FRMPD4: variants seen among roughly 807,000 people sequenced by gnomAD.
FRMPD4 encodes the protein FERM and PDZ domain-containing protein 4.
In FRMPD4, 22 loss-of-function variants were observed where a neutral mutation model predicts 94.1. The ratio of observed to expected loss-of-function variants is 0.23; its 90% confidence interval spans 0.17 to 0.33. The LOEUF is 0.33. FRMPD4 is among the 10% of genes least tolerant of loss of function. FRMPD4 has a pLI of 1.00. For synonymous variants in FRMPD4, 631 were observed against 548.6 expected (o/e 1.15, Z -2.10); for missense variants, 1,111 against 1,339.9 (o/e 0.83, Z 2.67).
chrX:11,860,410 G>T (rs895748934), intron 1 of FRMPD4, among the ~76,000 whole-genome samples: 1 of 111,840 alleles, frequency 8.9e-6, no homozygotes, highest in Admixed American at 9.5e-5. Context: ...TGACTCAGGT[G>T]GTGTTTGCAA....
chrX:12,443,359 C>G (rs1331266462), intron 1 of FRMPD4, among the ~76,000 whole-genome samples: 2 of 112,125 alleles, frequency 1.8e-5, no homozygotes, highest in Non-Finnish European at 1.9e-5. Context: ...TAATAATGCA[C>G]TTCATTTTTA....
intron 3 of FRMPD4, among the ~76,000 whole-genome samples, chrX:11,974,016 C>T (rs1365573190): frequency 9.0e-6 from 1 of 111,549 alleles, no homozygotes; most frequent in African/African-American, 3.3e-5. Context: ...CTTGACCTAG[C>T]GATCTGGAGT....
intron 1 of FRMPD4, among the ~76,000 whole-genome samples, chrX:12,191,492 C>A (rs962845079): frequency 8.9e-6 from 1 of 111,969 alleles, no homozygotes; most frequent in Non-Finnish European, 1.9e-5. Context: ...TTGGAAGCAA[C>A]CAAGTTGTTC....
chrX:12,132,223 G>A, intron 3 of FRMPD4, among the ~76,000 whole-genome samples: 1 of 99,543 alleles, frequency 1.0e-5, no homozygotes, highest in Middle Eastern at 5.0e-3. Context: ...ATCGGTTTCA[G>A]GTGAGGTTTA....
chrX:12,708,051 C>T (rs1039085430), intron 13 of FRMPD4, among the ~76,000 whole-genome samples: 6 of 111,841 alleles, frequency 5.4e-5, no homozygotes, highest in Admixed American at 2.8e-4. Context: ...CCTTTGCTTA[C>T]GTTAGGTCCA....
At chrX:12,260,938 C>T (rs1272621439) in intron 1 of FRMPD4, among the ~76,000 whole-genome samples, 1 of 111,459 alleles carries the variant, frequency 9.0e-6, no homozygotes, top group African/African-American at 3.3e-5. Flanking sequence ...TTAAGATGCC[C>T]AAACAGCCCT....
chrX:12,015,402 C>T (rs181322931), intron 3 of FRMPD4, among the ~76,000 whole-genome samples: 1 of 111,529 alleles, frequency 9.0e-6, no homozygotes, highest in East Asian at 2.8e-4. Flanking sequence ...TTCATCTTCC[C>T]CTCATTAGAT....
intron 1 of FRMPD4, among the ~76,000 whole-genome samples, chrX:12,268,308 T>C (rs951198077): frequency 1.8e-5 from 2 of 112,238 alleles, no homozygotes; most frequent in Non-Finnish European, 3.8e-5. Flanking sequence ...GAGGAGAACA[T>C]AGATACTCAT....
chrX:11,967,966 TTTTCA>T (rs773230167), intron 3 of FRMPD4, among the ~76,000 whole-genome samples: 4 of 110,238 alleles, frequency 3.6e-5, no homozygotes, highest in Non-Finnish European at 7.6e-5. Flanking sequence ...CCACCGGTTC[TTTTCA>T]TTTCATCTTC....
intron 1 of FRMPD4, among the ~76,000 whole-genome samples, chrX:12,258,004 T>G (rs770644796): frequency 3.1e-4 from 34 of 110,476 alleles, no homozygotes; most frequent in African/African-American, 1.1e-3. Flanking sequence ...AGATTCCCTC[T>G]CATCCTGAAG....
intron 3 of FRMPD4, among the ~76,000 whole-genome samples, chrX:12,093,486 C>G (rs180738622): frequency 9.1e-6 from 1 of 109,307 alleles, no homozygotes; most frequent in East Asian, 2.9e-4. Context: ...ATCCTGTTCT[C>G]TCATTTTACT....
intron 3 of FRMPD4, among the ~76,000 whole-genome samples, chrX:12,022,113 T>A (rs2054635060): frequency 8.9e-6 from 1 of 112,660 alleles, no homozygotes; most frequent in South Asian, 3.7e-4. Flanking sequence ...TGTCATTCGT[T>A]TGTGTCCCCA....
intron 3 of FRMPD4, among the ~76,000 whole-genome samples, chrX:11,983,608 T>C (rs1028346421): frequency 9.0e-6 from 1 of 111,710 alleles, no homozygotes; most frequent in Non-Finnish European, 1.9e-5. Flanking sequence ...ATATTTATTA[T>C]ATTTAAGGTC....
rs186229881 is a variant in FRMPD4, at chrX:11,898,299, G to A, written c.95+20281G>A. Among the ~76,000 whole-genome samples the A allele has an allele frequency of 8.9e-5, 10 of 111,927 alleles. No homozygotes were observed. The East Asian group carries it at 2.8e-3, about 31-fold the overall frequency. On this transcript the variant is annotated intron_variant, in intron 3 of 18. Transcript: ENST00000640291. ...CTGTGTTAAGAAGACTCTATGGACA[G>A]GGGTGGAAGTGAGGAAAGCAGGCAC...
In FRMPD4 at chrX:11,900,190, ATT is replaced by A. The variant is rs10712905; in HGVS notation, c.95+22183_95+22184del. Among the ~76,000 whole-genome samples, 712 of 104,066 alleles carry A rather than the reference ATT, an allele frequency of 6.8e-3. 2 individuals carry two copies. Among genetic ancestry groups the A allele is most frequent in the Non-Finnish European group, 0.011 (569 of 50,674 alleles). The allele number at this position is 104,066 out of a possible 115,157, so 90.4% of individuals were successfully genotyped here. ...GATTGGGTGATAGATGTTTCAGAGG[ATT>A]TTTTTTTTTTGTCTGAAGAAGGGGG... On this transcript the variant is annotated intron_variant, in intron 3 of 18. Coordinates refer to the FRMPD4 transcript ENST00000640291.
intron 2 of FRMPD4, among the ~76,000 whole-genome samples, chrX:12,500,785 G>A (rs763093299): frequency 3.8e-4 from 42 of 111,820 alleles, no homozygotes; most frequent in Non-Finnish European, 6.6e-4. Flanking sequence ...TAGGCTGCTA[G>A]GAAGACAGTA....
At chrX:12,602,815 G>T (rs150383990) in intron 2 of FRMPD4, among the ~76,000 whole-genome samples, 1 of 111,775 alleles carries the variant, frequency 8.9e-6, no homozygotes, top group Non-Finnish European at 1.9e-5. Context: ...TTCTTGTGAC[G>T]CTGGTGGGCA....
intron 1 of FRMPD4, among the ~76,000 whole-genome samples, chrX:12,417,215 C>G (rs2056814573): frequency 1.8e-5 from 2 of 111,390 alleles, no homozygotes; most frequent in Non-Finnish European, 3.8e-5. Context: ...ACACTAGTAT[C>G]ACTTCAAAAT....
chrX:12,458,152 G>A (rs73436775), intron 1 of FRMPD4, among the ~76,000 whole-genome samples: 1,522 of 111,614 alleles, frequency 0.014, 27 homozygotes, highest in African/African-American at 0.047. Flanking sequence ...GGTTTCCTTG[G>A]CCAAAAACCT....
Sources: allele counts gnomAD v4.1 joint callset (sites outside exome capture counted in the v4.1 genomes callset), GRCh38; gene constraint gnomAD v4.1.1; transcripts MANE v1.5; gene names NCBI Gene and HGNC (gene_info 2026-07-23, HGNC 2026-07-21).